Variants in GALNTL6 observed in about 807,000 individuals in gnomAD.
GALNTL6 encodes the protein polypeptide N-acetylgalactosaminyltransferase-like 6.
GALNTL6 carries 46 observed loss-of-function variants against 73.7 expected under a neutral mutation model. That is an observed-to-expected ratio of 0.62 (90% CI 0.49 to 0.80). The LOEUF (loss-of-function observed/expected upper bound fraction) is 0.80, where lower values mean the gene tolerates loss of function less well. GALNTL6 is among the 30% of genes least tolerant of loss of function. The probability of loss-of-function intolerance (pLI) is 0.00; values close to 1 mark genes in which losing one functional copy is unlikely to be tolerated. For missense variants in GALNTL6, 604 were observed against 755.0 expected (o/e 0.80, Z 2.34); for synonymous variants, 259 against 263.7 (o/e 0.98, Z 0.17).
At chr4:172,057,121 T>C (rs1332540469) in intron 2 of GALNTL6, among the ~76,000 whole-genome samples, 1 of 152,024 alleles carries the variant, frequency 6.6e-6, no homozygotes, top group Non-Finnish European at 1.5e-5. Context: ...ACATTAATTG[T>C]TTTTGGCTGG....
At chr4:171,912,513 A>T (rs1737505104) in intron 2 of GALNTL6, among the ~76,000 whole-genome samples, 1 of 152,188 alleles carries the variant, frequency 6.6e-6, no homozygotes, top group South Asian at 2.1e-4. Flanking sequence ...GGTAACTGGG[A>T]TATGCATCAC....
intron 5 of GALNTL6, among the ~76,000 whole-genome samples, chr4:172,592,412 C>T (rs1737673166): frequency 6.6e-6 from 1 of 152,146 alleles, no homozygotes; most frequent in African/African-American, 2.4e-5. Flanking sequence ...CTAGGTCCTA[C>T]CTCCCACCAT....
chr4:172,344,836 C>G (rs887525796), intron 4 of GALNTL6, among the ~76,000 whole-genome samples: 13 of 152,026 alleles, frequency 8.6e-5, no homozygotes, highest in Non-Finnish European at 1.6e-4. Context: ...GTCTGTGAAC[C>G]CTTAAGGGAA....
intron 5 of GALNTL6, among the ~76,000 whole-genome samples, chr4:172,378,009 G>T (rs1295071837): frequency 6.6e-6 from 1 of 152,020 alleles, no homozygotes; most frequent in African/African-American, 2.4e-5. Flanking sequence ...CAGGCTGAAG[G>T]GCTCCTCAAG....
At chr4:172,856,011 T>G (rs964024673) in intron 7 of GALNTL6, among the ~76,000 whole-genome samples, 5 of 152,190 alleles carry the variant, frequency 3.3e-5, no homozygotes, top group Non-Finnish European at 7.3e-5. Context: ...ATTGTACTGC[T>G]TATGAAGGAC....
At chr4:172,539,655 T>G (rs1735476433) in intron 5 of GALNTL6, among the ~76,000 whole-genome samples, 1 of 152,004 alleles carries the variant, frequency 6.6e-6, no homozygotes. Context: ...CTTTTCAGAT[T>G]GTTAGGAAAT....
chr4:171,922,191 G>C (rs1737809748), intron 2 of GALNTL6, among the ~76,000 whole-genome samples: 1 of 151,912 alleles, frequency 6.6e-6, no homozygotes, highest in Admixed American at 6.6e-5. Context: ...GGGCCAATAA[G>C]CTTCTTAATG....
intron 2 of GALNTL6, among the ~76,000 whole-genome samples, chr4:172,103,655 T>C (rs1732586181): frequency 6.6e-6 from 1 of 152,190 alleles, no homozygotes; most frequent in African/African-American, 2.4e-5. Context: ...AGGATTTAGA[T>C]AAGCTTTATG....
At chr4:172,096,978 T>A (rs980204268) in intron 2 of GALNTL6, among the ~76,000 whole-genome samples, 7 of 152,214 alleles carry the variant, frequency 4.6e-5, no homozygotes, top group Non-Finnish European at 8.8e-5. Context: ...AAACCTCAAC[T>A]ATTCCCAGGC....
chr4:172,467,806 T>TTTTCCTTC, intron 5 of GALNTL6, among the ~76,000 whole-genome samples: 1 of 121,798 alleles, frequency 8.2e-6, no homozygotes, highest in Non-Finnish European at 1.7e-5. Flanking sequence ...GCATTTTACA[T>TTTTCCTTC]TTTCTTTCTT....
intron 12 of GALNTL6, among the ~76,000 whole-genome samples, chr4:173,033,545 CA>C (rs1753558514): frequency 6.6e-6 from 1 of 152,236 alleles, no homozygotes; most frequent in East Asian, 1.9e-4. Flanking sequence ...AAAGGATAGT[CA>C]AATATCAACC....
chr4:172,918,104 C>T (rs1360074025), intron 8 of GALNTL6, among the ~76,000 whole-genome samples: 1 of 152,132 alleles, frequency 6.6e-6, no homozygotes, highest in Non-Finnish European at 1.5e-5. Context: ...ATGGATGAAG[C>T]TGGAAACCAT....
intron 8 of GALNTL6, among the ~76,000 whole-genome samples, chr4:172,919,663 C>T (rs1403037213): frequency 6.6e-6 from 1 of 152,038 alleles, no homozygotes; most frequent in African/African-American, 2.4e-5. Flanking sequence ...ATGGTGAATC[C>T]AGAAAATGTA....
intron 5 of GALNTL6, among the ~76,000 whole-genome samples, chr4:172,553,974 A>G (rs1334133676): frequency 6.6e-6 from 1 of 152,100 alleles, no homozygotes; most frequent in South Asian, 2.1e-4. Context: ...CATTACAGTG[A>G]CTATGATTGG....
At chr4:172,822,262 A>G (rs1246483405) in intron 7 of GALNTL6, among the ~76,000 whole-genome samples, 1 of 151,720 alleles carries the variant, frequency 6.6e-6, no homozygotes, top group Non-Finnish European at 1.5e-5. Context: ...GGGCTTTGAG[A>G]TCTCATCTTT....
At chr4:172,147,097 C>T (rs1369815197) in intron 2 of GALNTL6, among the ~76,000 whole-genome samples, 1 of 152,102 alleles carries the variant, frequency 6.6e-6, no homozygotes, top group Non-Finnish European at 1.5e-5. Context: ...ATTAAGTTCC[C>T]ATGTCCTGTA....
rs189699572 is a variant in GALNTL6, at chr4:172,067,333, C to A, written c.139-162323C>A. Among the ~76,000 whole-genome samples the A allele has an allele frequency of 2.0e-5, 3 of 152,128 alleles. No individual in the cohort carries two copies. The East Asian group carries it at 5.8e-4, about 30-fold the overall frequency. Reference sequence around the variant, plus strand: ...TTATTCTCAGCATCTCCCCTCTACTCGCCTCTTTCCTTCACTTTACTTCTT... The same window carrying A: ...TTATTCTCAGCATCTCCCCTCTACTAGCCTCTTTCCTTCACTTTACTTCTT... On this transcript the variant is annotated intron_variant, in intron 2 of 12. Coordinates refer to ENST00000506823, the MANE Select transcript of GALNTL6 (RefSeq NM_001034845.3).
At chr4:172,776,311 C>G (rs1423262885) in intron 5 of GALNTL6, among the ~76,000 whole-genome samples, 2 of 152,126 alleles carry the variant, frequency 1.3e-5, no homozygotes, top group African/African-American at 2.4e-5. Context: ...AAGAGGCAAT[C>G]TGTACTGTGA....
chr4:172,030,382 T>C (rs1741730974), intron 2 of GALNTL6, among the ~76,000 whole-genome samples: 2 of 152,142 alleles, frequency 1.3e-5, no homozygotes, highest in South Asian at 4.2e-4. Context: ...GTATCCTTCT[T>C]GGCTGGGGTC....
Sources: allele counts gnomAD v4.1 joint callset (sites outside exome capture counted in the v4.1 genomes callset), GRCh38; gene constraint gnomAD v4.1.1; transcripts MANE v1.5; gene names NCBI Gene and HGNC (gene_info 2026-07-23, HGNC 2026-07-21).